Variants in CCDC175 observed in about 807,000 individuals in gnomAD.
CCDC175 encodes the protein coiled-coil domain-containing protein 175.
A neutral mutation model predicts 114.6 loss-of-function variants in CCDC175; 100 were observed. The ratio of observed to expected loss-of-function variants is 0.87; its 90% CI spans 0.74 to 1.03. The LOEUF is 1.03. Ranked by LOEUF, CCDC175 falls within the 50% of genes least tolerant of loss-of-function variation. CCDC175 has a pLI of 0.00. For missense variants in CCDC175, 880 were observed against 917.8 expected (o/e 0.96, Z 0.53); for synonymous variants, 306 against 308.7 (o/e 0.99, Z 0.09).
chr14:59,561,345 C>T, intron 6 of CCDC175, 117 bp from the exon 7 acceptor site: 1 of 486,930 alleles, frequency 2.1e-6, no homozygotes, highest in Non-Finnish European at 3.6e-6. Flanking sequence ...TAGGAGTGTA[C>T]TTCAAGGAAA....
At chr14:59,527,360 T>G (rs1893808894) in intron 14 of CCDC175, among the ~76,000 whole-genome samples, 186 bp from the exon 15 acceptor site, 1 of 152,176 alleles carries the variant, frequency 6.6e-6, no homozygotes, top group South Asian at 2.1e-4. Context: ...TTAACTCTTT[T>G]TAGTTGTTTC....
intron 17 of CCDC175, among the ~76,000 whole-genome samples, chr14:59,514,568 G>A (rs539551210): frequency 1.3e-5 from 2 of 152,208 alleles, no homozygotes; most frequent in Non-Finnish European, 2.9e-5. Flanking sequence ...GGCTATCAGT[G>A]ATGGAAGATC....
chr14:59,505,250 A>ATGTATTT lies in CCDC175; in HGVS notation c.2364_2370dup (p.Leu791LysfsTer35). Reference sequence around the variant, plus strand: ...GTTGTATCCTTGAGTTACTTTGTTAATGTATTTTTCTCAGTACATTTAACC... The same window carrying ATGTATTT: ...GTTGTATCCTTGAGTTACTTTGTTAATGTATTTTGTATTTTTCTCAGTACATTTAACC... On this transcript the variant is annotated frameshift_variant, in exon 20 of 20. Coordinates refer to ENST00000537690, the MANE Select transcript of CCDC175 (RefSeq NM_001164399.2). LOFTEE classifies it high-confidence loss of function. 6.7e-7 allele frequency: 1 copy of ATGTATTT among 1,490,310 alleles called. No homozygotes were observed. The highest frequency in any genetic ancestry group is 9.0e-7 in the Non-Finnish European group (1 of 1,112,690). The allele number at this position is 1,490,310 out of a possible 1,614,324, so 92.3% of individuals were successfully genotyped here.
chr14:59,540,016 T>C (rs1894672235), intron 11 of CCDC175, among the ~76,000 whole-genome samples: 1 of 151,980 alleles, frequency 6.6e-6, no homozygotes, highest in South Asian at 2.1e-4. Context: ...GGTTGCAGTG[T>C]GCCGAGATGG....
intron 7 of CCDC175, among the ~76,000 whole-genome samples, chr14:59,552,501 A>T (rs1895582694): frequency 1.3e-5 from 2 of 152,202 alleles, no homozygotes; most frequent in African/African-American, 4.8e-5. Context: ...AGGTAGATAA[A>T]ACCACAAAGA....
chr14:59,574,437 T>G (rs757412595), intron 2 of CCDC175, among the ~76,000 whole-genome samples: 1 of 152,196 alleles, frequency 6.6e-6, no homozygotes, highest in African/African-American at 2.4e-5. Flanking sequence ...GCCAGTTAAG[T>G]GTAATTGAAA....
intron 18 of CCDC175, 28 bp from the exon 19 acceptor site, chr14:59,510,836 C>A: frequency 2.0e-6 from 3 of 1,521,666 alleles, no homozygotes; most frequent in East Asian, 2.5e-5. Context: ...TAGGCTGTGT[C>A]AATATAAATT....
At chr14:59,534,285 A>C (rs1451233449) in intron 13 of CCDC175, among the ~76,000 whole-genome samples, 1 of 152,026 alleles carries the variant, frequency 6.6e-6, no homozygotes, top group Non-Finnish European at 1.5e-5. Flanking sequence ...ATCCTTTCTC[A>C]TTGTCTCTGA....
chr14:59,576,551 C>T, intron 1 of CCDC175, 68 bp downstream of exon 1: 1 of 1,332,944 alleles, frequency 7.5e-7, no homozygotes, highest in Non-Finnish European at 9.6e-7. Context: ...GCTCAGGGTT[C>T]CCGCTGAGTG....
intron 7 of CCDC175, among the ~76,000 whole-genome samples, chr14:59,555,353 A>C (rs1055895456): frequency 6.6e-6 from 1 of 152,250 alleles, no homozygotes; most frequent in African/African-American, 2.4e-5. Context: ...AACAGAACCA[A>C]AGCAAAAGCC....
chr14:59,525,464 C>A (rs1014004135), intron 15 of CCDC175, 30 bp from the exon 16 acceptor site: 1 of 1,502,208 alleles, frequency 6.7e-7, no homozygotes, highest in Non-Finnish European at 8.8e-7. Flanking sequence ...CAAATTATCT[C>A]TGAGTTCAAA....
At chr14:59,514,948 G>T (rs1324798174) in intron 17 of CCDC175, among the ~76,000 whole-genome samples, 1 of 152,196 alleles carries the variant, frequency 6.6e-6, no homozygotes, top group African/African-American at 2.4e-5. Flanking sequence ...GGGAAGCCCA[G>T]CAGACTAACA....
chr14:59,567,217 G>A (rs187082329), intron 4 of CCDC175, among the ~76,000 whole-genome samples: 2 of 152,202 alleles, frequency 1.3e-5, no homozygotes, highest in Non-Finnish European at 2.9e-5. Flanking sequence ...TGGCTAGCAC[G>A]CACCACACAC....
At position 59,533,341 on chromosome 14, in the gene CCDC175, C is replaced by T. The variant is rs182200414; in HGVS notation, c.1624-1431G>A. Reference sequence around the variant, plus strand: ...AGTCATTGTTATACAAGCAATGTTGCTTCATAATATAGCTGATATTCTACC... The same window carrying T: ...AGTCATTGTTATACAAGCAATGTTGTTTCATAATATAGCTGATATTCTACC... On this transcript the variant is annotated intron_variant, in intron 13 of 19. Coordinates refer to ENST00000537690, the MANE Select transcript of CCDC175 (RefSeq NM_001164399.2). Among the ~76,000 whole-genome samples the T allele has an allele frequency of 7.9e-5, 12 of 152,272 alleles. No homozygotes were observed. The South Asian group carries it at 1.5e-3, about 18-fold the overall frequency.
At position 59,525,440 on chromosome 14, in the gene CCDC175, C is replaced by A. The variant is rs1194176758; in HGVS notation, c.1843-6G>T. The A allele has an allele frequency of 6.6e-7, 1 of 1,513,530 alleles. No homozygotes were observed. The highest frequency in any genetic ancestry group is 1.3e-5 in the South Asian group (1 of 79,734). The allele number at this position is 1,513,530 out of a possible 1,614,324, so 93.8% of individuals were successfully genotyped here. On this transcript the variant is annotated splice_region_variant and splice_polypyrimidine_tract_variant and intron_variant, in intron 15 of 19. Transcript: ENST00000537690. Reference sequence around the variant, plus strand: ...AATTCTTGTTTTACATCTTCCTGCTCAAACAGAAAACCCCAAATTATCTCT... The same window carrying A: ...AATTCTTGTTTTACATCTTCCTGCTAAAACAGAAAACCCCAAATTATCTCT...
At chr14:59,509,503 T>C (rs72712734) in intron 19 of CCDC175, among the ~76,000 whole-genome samples, 14,837 of 152,204 alleles carry the variant, frequency 0.097, 1,000 homozygotes, top group Non-Finnish European at 0.13. Flanking sequence ...TTTAATCTTA[T>C]CACTATCCCT....
chr14:59,528,670 G>A (rs898020431), intron 14 of CCDC175, among the ~76,000 whole-genome samples: 5 of 151,880 alleles, frequency 3.3e-5, no homozygotes, highest in African/African-American at 1.2e-4. Context: ...ATTATTCACT[G>A]ATTTTTTTCT....
intron 12 of CCDC175, 118 bp from the exon 13 acceptor site, chr14:59,538,272 T>C: frequency 1.2e-6 from 1 of 838,696 alleles, no homozygotes; most frequent in Non-Finnish European, 1.8e-6. Flanking sequence ...TCAGTTCATA[T>C]AATTTCTCAG....
chr14:59,538,023 C>T lies in CCDC175; in HGVS notation c.1623G>A (p.Glu541=), dbSNP rs1894514557. The change falls in exon 13 of 20, where the codon GAG becomes GAA. Residue 541 remains glutamate, a splice_region_variant and synonymous_variant. Transcript: ENST00000537690. ...KMLMKELSKY[E]EIFVKETQIN... ...TTCTTAGATGCAAAATAAAATTTAC[C>T]TCATACTTGCTTAACTCTTTCATTA... The T allele has an allele frequency of 6.6e-7, 1 of 1,520,222 alleles. No individual in the cohort carries two copies. Among genetic ancestry groups the T allele is most frequent in the Non-Finnish European group, 8.8e-7 (1 of 1,134,026 alleles). 94.2% of individuals were successfully genotyped at this position (1,520,222 alleles called of 1,614,324 possible).
Sources: gnomAD v4.1 joint callset for allele counts (sites outside exome capture counted in the v4.1 genomes callset) on GRCh38, gnomAD v4.1.1 for gene constraint, MANE v1.5 for transcripts, NCBI Gene and HGNC (gene_info 2026-07-23, HGNC 2026-07-21) for gene names.